PTDSS2: variants seen among roughly 807,000 people sequenced by gnomAD.
The protein encoded by PTDSS2 is PSS-2.
Under a neutral mutation model 64.7 loss-of-function variants are expected in PTDSS2, and 41 were observed. That is an observed-to-expected ratio of 0.63 (90% CI 0.49 to 0.82). PTDSS2 has a LOEUF of 0.82. Ranked by LOEUF, PTDSS2 falls within the 40% of genes least tolerant of loss-of-function variation. The pLI, the probability that PTDSS2 is intolerant of heterozygous loss-of-function variation, is 0.00. For missense variants in PTDSS2, 485 were observed against 650.0 expected (o/e 0.75, Z 2.76); for synonymous variants, 297 against 277.8 (o/e 1.07, Z -0.69).
chr11:466,401 CTTTTTTTTTT>C (rs1226254389), intron 2 of PTDSS2, among the ~76,000 whole-genome samples: 2 of 120,798 alleles, frequency 1.7e-5, no homozygotes, highest in East Asian at 2.5e-4. Context: ...AACTGCCACT[CTTTTTTTTTT>C]TTTTTTTTTT....
chr11:487,292 G>A, intron 5 of PTDSS2, 128 bp from the exon 6 acceptor site: 1 of 1,023,904 alleles, frequency 9.8e-7, no homozygotes, highest in Non-Finnish European at 1.5e-6. Flanking sequence ...GGCCACGGCA[G>A]CACCTGTGAG....
intron 3 of PTDSS2, among the ~76,000 whole-genome samples, chr11:475,892 G>T (rs1306139037): frequency 6.6e-6 from 1 of 152,192 alleles, no homozygotes; most frequent in Non-Finnish European, 1.5e-5. Flanking sequence ...CGTATGCTCT[G>T]TGTAAATATC....
chr11:489,970 C>A lies in PTDSS2; in HGVS notation c.1203C>A (p.Pro401=). The A allele has an allele frequency of 1.9e-6, 3 of 1,612,132 alleles. No homozygotes were observed. Among genetic ancestry groups the A allele is most frequent in the Non-Finnish European group, 2.5e-6 (3 of 1,179,928 alleles). Reference sequence around the variant, plus strand: ...TGCTCATCGTGGTGAAGTACGACCCCCACACGCTCACCCTGTCCCTGCCCT... The same window carrying A: ...TGCTCATCGTGGTGAAGTACGACCCACACACGCTCACCCTGTCCCTGCCCT... The part of the protein sequence containing the change: ...TELLIVVKYD[P]HTLTLSLPFY... The change falls in exon 11 of 12, where the codon CCC becomes CCA. Residue 401 remains proline, a synonymous_variant. Coordinates refer to ENST00000308020, the MANE Select transcript of PTDSS2 (RefSeq NM_030783.3).
chr11:468,461 C>A (rs1370991717), intron 2 of PTDSS2, among the ~76,000 whole-genome samples: 1 of 152,216 alleles, frequency 6.6e-6, no homozygotes, highest in Non-Finnish European at 1.5e-5. Context: ...TTTAAACATT[C>A]ATTGAGGAGA....
At position 479,915 on chromosome 11, in the gene PTDSS2, C is replaced by T. The variant is rs1847992346; in HGVS notation, c.435+763C>T. ...TCCCAATCTTAAAACTCCATCAGTG[C>T]ATGATGAGATTTTTTATCATCGTGG... On this transcript the variant is annotated intron_variant, in intron 4 of 11. Coordinates refer to ENST00000308020, the MANE Select transcript of PTDSS2 (RefSeq NM_030783.3). This position sits in a 1 kb window ranked among gnomAD's most constrained non-coding sequence, Gnocchi z 4.2. Among the ~76,000 whole-genome samples, 1 of 152,216 alleles carries T rather than the reference C, an allele frequency of 6.6e-6. No homozygotes were observed. The highest frequency in any genetic ancestry group is 2.4e-5 in the African/African-American group (1 of 41,446).
chr11:457,879 C>T (rs1056506), intron 1 of PTDSS2, among the ~76,000 whole-genome samples: 14,945 of 152,258 alleles, frequency 0.098, 1,015 homozygotes, highest in Admixed American at 0.19. Context: ...ACCTGCAGTG[C>T]GTGAGCATCT....
chr11:465,757 C>G (rs958117690), intron 2 of PTDSS2, among the ~76,000 whole-genome samples: 7 of 150,488 alleles, frequency 4.7e-5, no homozygotes, highest in African/African-American at 1.2e-4. Context: ...AGGACCACCC[C>G]CCCCCCATCT....
intron 1 of PTDSS2, among the ~76,000 whole-genome samples, chr11:450,926 G>A (rs976129389): frequency 5.4e-5 from 7 of 130,840 alleles, no homozygotes; most frequent in Non-Finnish European, 1.1e-4. Context: ...ACCCCTGCCC[G>A]CCTTGGCTCT....
chr11:450,149 G>A (rs1251439957), upstream of PTDSS2: 1 of 284,368 alleles, frequency 3.5e-6, no homozygotes, highest in African/African-American at 2.2e-5. Context: ...TGGTTCCTGC[G>A]ACCTCAGCCG....
chr11:487,480 C>G lies in PTDSS2; in HGVS notation c.621+10C>G. On this transcript the variant is annotated intron_variant, in intron 6 of 11. Transcript: ENST00000308020. ...TGGCTGGTACCTGAAGGTACGGCACCTCCTCTTCCCGGCCTCCCCGCCCCG... is the reference window on the plus strand; with the variant it reads ...TGGCTGGTACCTGAAGGTACGGCACGTCCTCTTCCCGGCCTCCCCGCCCCG... The G allele has an allele frequency of 6.2e-7, 1 of 1,613,414 alleles. No homozygotes were observed. Among genetic ancestry groups the G allele is most frequent in the Non-Finnish European group, 8.5e-7 (1 of 1,179,576 alleles).
chr11:467,002 C>G (rs1847176584), intron 2 of PTDSS2, among the ~76,000 whole-genome samples: 1 of 152,078 alleles, frequency 6.6e-6, no homozygotes, highest in African/African-American at 2.4e-5. Context: ...CTGCAGTGAG[C>G]CAAGATCACA....
At chr11:451,268 C>T (rs950025508) in intron 1 of PTDSS2, 6 of 382,720 alleles carry the variant, frequency 1.6e-5, no homozygotes, top group Non-Finnish European at 2.7e-5. Context: ...CCTTGGGGTC[C>T]CCCTGTCCGC....
chr11:473,302 T>A (rs1847567226), intron 2 of PTDSS2, among the ~76,000 whole-genome samples: 1 of 152,190 alleles, frequency 6.6e-6, no homozygotes, highest in Non-Finnish European at 1.5e-5. Flanking sequence ...GTCCCGTTGG[T>A]TTTGGATGAG....
chr11:450,928 C>T (rs1846293676), intron 1 of PTDSS2, among the ~76,000 whole-genome samples: 1 of 152,020 alleles, frequency 6.6e-6, no homozygotes, highest in South Asian at 2.1e-4. Context: ...CCCTGCCCGC[C>T]TTGGCTCTGA....
intron 11 of PTDSS2, 103 bp from the exon 12 acceptor site, chr11:490,317 C>G: frequency 2.6e-6 from 4 of 1,513,640 alleles, no homozygotes; most frequent in Non-Finnish European, 3.7e-6. Context: ...GGCACCCACC[C>G]AGTCCATTCC....
chr11:474,543 G>A (rs999845520), intron 3 of PTDSS2, among the ~76,000 whole-genome samples: 7 of 152,130 alleles, frequency 4.6e-5, no homozygotes, highest in Admixed American at 2.6e-4. Context: ...GTTGCCCAGC[G>A]CACTCTGCCT....
chr11:478,614 G>A (rs576548606), intron 3 of PTDSS2, among the ~76,000 whole-genome samples: 1 of 151,982 alleles, frequency 6.6e-6, no homozygotes, highest in South Asian at 2.1e-4. Context: ...GGGTGTGCTG[G>A]ACACCTGTGA....
chr11:452,612 G>C (rs971633803), intron 1 of PTDSS2, among the ~76,000 whole-genome samples: 3 of 152,188 alleles, frequency 2.0e-5, no homozygotes, highest in Non-Finnish European at 4.4e-5. Context: ...CTCCTTCCTG[G>C]GTCTTCTGGG....
At position 490,406 on chromosome 11, in the gene PTDSS2, A is replaced by G; in HGVS notation, c.1302-14A>G. The G allele has an allele frequency of 6.2e-7, 1 of 1,613,106 alleles. No individual in the cohort carries two copies. Among genetic ancestry groups the G allele is most frequent in the Non-Finnish European group, 8.5e-7 (1 of 1,179,914 alleles). On this transcript the variant is annotated splice_polypyrimidine_tract_variant and intron_variant, in intron 11 of 11. Coordinates refer to ENST00000308020, the MANE Select transcript of PTDSS2 (RefSeq NM_030783.3). ...GTGTGGGGGCAGGTGGTGACGCTGC[A>G]TCCCGCTCCCCAGGGACATCACATT...
Sources: gnomAD v4.1 joint callset for allele counts (sites outside exome capture counted in the v4.1 genomes callset) on GRCh38, gnomAD v4.1.1 for gene constraint, Gnocchi (gnomAD v3.1) non-coding constraint, MANE v1.5 for transcripts, NCBI Gene and HGNC (gene_info 2026-07-23, HGNC 2026-07-21) for gene names.